Variants in RAD54L observed in about 807,000 individuals in gnomAD.
RAD54L encodes the protein DNA repair and recombination protein RAD54-like.
In RAD54L, 74 loss-of-function variants were observed where a neutral mutation model predicts 91.6. The observed-to-expected ratio is 0.81, with a 90% CI of 0.67 to 0.98. RAD54L has a LOEUF of 0.98. Among genes scored for constraint, RAD54L ranks in the 50% least tolerant of loss-of-function variants. The pLI, the probability that RAD54L is intolerant of heterozygous loss-of-function variation, is 0.00. For missense variants in RAD54L, 887 were observed against 945.7 expected, an observed-to-expected ratio of 0.94 and a Z score of 0.81; for synonymous variants, 304 against 349.7, an observed-to-expected ratio of 0.87 and a Z score of 1.46.
intron 3 of RAD54L, among the ~76,000 whole-genome samples, chr1:46,256,264 TG>T (rs1027090149): frequency 1.3e-5 from 2 of 151,746 alleles, no homozygotes; most frequent in African/African-American, 4.8e-5. Flanking sequence ...ACGGGGTGTG[TG>T]GGGGGGTCTC....
chr1:46,248,631 G>T (rs747336317), intron 2 of RAD54L, 33 bp downstream of exon 2: 3 of 1,599,716 alleles, frequency 1.9e-6, no homozygotes, highest in Non-Finnish European at 2.6e-6. Flanking sequence ...AAGGTGGGTA[G>T]AGCTGTTTGG....
At chr1:46,277,682 T>G in intron 16 of RAD54L, 135 bp from the exon 17 acceptor site, 1 of 1,014,476 alleles carries the variant, frequency 9.9e-7, no homozygotes, top group East Asian at 2.4e-5. Flanking sequence ...AGAGATAATG[T>G]TCTGGGACTC....
chr1:46,268,341 C>T (rs1660324186), intron 9 of RAD54L, among the ~76,000 whole-genome samples: 1 of 152,256 alleles, frequency 6.6e-6, no homozygotes, highest in Middle Eastern at 3.4e-3. Context: ...ATAATCAAAA[C>T]TCCTCATTCC....
In RAD54L at chr1:46,251,519, A is replaced by G. The variant is rs76471445; in HGVS notation, c.210+1400A>G. ...TGCTTTTATGATAGTTTTAGCATAC[A>G]TATAAAAATCACTAATACAGCCTTG... On this transcript the variant is annotated intron_variant, in intron 3 of 17. Coordinates refer to ENST00000371975, the MANE Select transcript of RAD54L (RefSeq NM_003579.4). Among the ~76,000 whole-genome samples, 84 of 152,294 alleles carry G rather than the reference A, an allele frequency of 5.5e-4. 1 individual carries two copies. The East Asian group carries it at 0.014, about 25-fold the overall frequency.
rs1571710816 is a variant in RAD54L, at chr1:46,250,818, T to C, written c.210+699T>C. 3.3e-5 allele frequency among the ~76,000 whole-genome samples: 5 copies of C among 150,140 alleles called. No homozygotes were observed. The Middle Eastern group carries it at 0.014, about 414-fold the overall frequency. ...GGTGAAACCCCGTCTCTACTAAAAA[T>C]ACAAAAATTAACTGGGCATGGTGTC... is the stretch of plus-strand genomic sequence containing the variant. On this transcript the variant is annotated intron_variant, in intron 3 of 17. Coordinates refer to ENST00000371975, the MANE Select transcript of RAD54L (RefSeq NM_003579.4).
At chr1:46,274,277 A>G in intron 15 of RAD54L, 61 bp downstream of exon 15, 2 of 1,526,360 alleles carry the variant, frequency 1.3e-6, no homozygotes, top group Non-Finnish European at 1.8e-6. Context: ...AAGGAATGAT[A>G]GAGAAGCTAT....
At position 46,267,759 on chromosome 1, in the gene RAD54L, G is replaced by C. The variant is rs1403549592; in HGVS notation, c.1042+150G>C. 11 of 1,126,794 alleles carry C rather than the reference G, an allele frequency of 9.8e-6. No homozygotes were observed. The African/African-American group carries it at 1.1e-4, about 11-fold the overall frequency. 69.8% of individuals were successfully genotyped at this position (1,126,794 alleles called of 1,614,324 possible). On this transcript the variant is annotated intron_variant, in intron 9 of 17. Transcript: ENST00000371975. ...GGAAGGCTTCTCTTGTCAGGGAGTA[G>C]CAAAGCCATTGGGAGGCCTTGGATC... is the stretch of plus-strand genomic sequence containing the variant.
Position 46,263,868 on chromosome 1 carries a change from G to T in RAD54L, c.891+2483G>T, listed in dbSNP as rs1444613428. On this transcript the variant is annotated intron_variant, in intron 8 of 17. Coordinates refer to ENST00000371975, the MANE Select transcript of RAD54L (RefSeq NM_003579.4). This position sits in a 1 kb window ranked among gnomAD's most constrained non-coding sequence, Gnocchi z 4.3. Reference sequence around the variant, plus strand: ...GATGGAGTGCAGTGACGTGATCTTGGCTCACCGCAACCTCTGCCTCCCATA... The same window carrying T: ...GATGGAGTGCAGTGACGTGATCTTGTCTCACCGCAACCTCTGCCTCCCATA... Among the ~76,000 whole-genome samples the T allele has an allele frequency of 6.6e-6, 1 of 152,052 alleles. No homozygotes were observed. Among genetic ancestry groups the T allele is most frequent in the Non-Finnish European group, 1.5e-5 (1 of 68,008 alleles).
intron 3 of RAD54L, among the ~76,000 whole-genome samples, chr1:46,251,248 G>A (rs1033989902): frequency 5.9e-5 from 9 of 152,074 alleles, no homozygotes; most frequent in Admixed American, 1.3e-4. Flanking sequence ...GGAGGCAGCG[G>A]TTGCAGTGAG....
chr1:46,269,918 C>T (rs768946794), intron 9 of RAD54L, among the ~76,000 whole-genome samples: 4 of 151,772 alleles, frequency 2.6e-5, no homozygotes, highest in Non-Finnish European at 4.4e-5. Context: ...GCCTGGGCAA[C>T]ATGGCAAAAT....
rs766711957 is a variant in RAD54L at position 46,261,329 on chromosome 1, C to G, written c.835C>G (p.Arg279Gly). 1.9e-6 allele frequency: 3 copies of G among 1,613,872 alleles called. No individual in the cohort carries two copies. Among genetic ancestry groups the G allele is most frequent in the Non-Finnish European group, 1.7e-6 (2 of 1,179,988 alleles). Residue 279 changes from arginine to glycine, a missense_variant, in exon 8 of 18, where the codon CGC becomes GGC. Physicochemically the swap from Arg to Gly is moderately radical, Grantham distance 125. Transcript: ENST00000371975. ...CCTCATCATTTCCTATGAGACCTTC[C>G]GCCTTCATGTTGGAGTCCTCCAGAA... is the stretch of plus-strand genomic sequence containing the variant. ...PILIISYETF[R>G]LHVGVLQKGS...
chr1:46,270,607 GA>G, intron 9 of RAD54L, 51 bp from the exon 10 acceptor site: 1 of 1,610,542 alleles, frequency 6.2e-7, no homozygotes, highest in Non-Finnish European at 8.5e-7. Context: ...CTAGCTGTGG[GA>G]AAATCATTCC....
At chr1:46,266,197 C>T (rs1241991181) in intron 8 of RAD54L, among the ~76,000 whole-genome samples, 1 of 152,166 alleles carries the variant, frequency 6.6e-6, no homozygotes, top group Non-Finnish European at 1.5e-5. Flanking sequence ...GTGACAAGGT[C>T]AGGATTCCTG....
chr1:46,258,141 G>A (rs887524614), intron 3 of RAD54L, among the ~76,000 whole-genome samples: 2 of 152,106 alleles, frequency 1.3e-5, no homozygotes, highest in Non-Finnish European at 2.9e-5. Context: ...GCCTCCCAAA[G>A]TGTTAGGATT....
At chr1:46,259,071 T>A (rs1169195583) in intron 4 of RAD54L, among the ~76,000 whole-genome samples, 1 of 152,188 alleles carries the variant, frequency 6.6e-6, no homozygotes, top group East Asian at 1.9e-4. Flanking sequence ...GCTGACTGTG[T>A]GGGAGGCCTG....
intron 2 of RAD54L, among the ~76,000 whole-genome samples, chr1:46,248,910 T>A (rs1226792836): frequency 6.6e-6 from 1 of 152,166 alleles, no homozygotes; most frequent in Non-Finnish European, 1.5e-5. Context: ...CAGCTGGCTC[T>A]TTTGCTCTTT....
At chr1:46,249,089 G>A (rs1169366804) in intron 2 of RAD54L, among the ~76,000 whole-genome samples, 1 of 152,182 alleles carries the variant, frequency 6.6e-6, no homozygotes, top group Non-Finnish European at 1.5e-5. Flanking sequence ...CTGTTTTGGA[G>A]GCTTGTTGGG....
chr1:46,269,940 A>G (rs1390312551), intron 9 of RAD54L, among the ~76,000 whole-genome samples: 3 of 151,504 alleles, frequency 2.0e-5, no homozygotes, highest in African/African-American at 7.3e-5. Flanking sequence ...CCATCTCTAC[A>G]AAAAAAATAC....
chr1:46,262,678 T>C (rs1049097761), intron 8 of RAD54L, among the ~76,000 whole-genome samples: 1 of 152,050 alleles, frequency 6.6e-6, no homozygotes, highest in Admixed American at 6.6e-5. Context: ...GCTGTTTTTT[T>C]ACATTGTCAG....
Sources: gnomAD v4.1 joint callset for allele counts (sites outside exome capture counted in the v4.1 genomes callset) on GRCh38, gnomAD v4.1.1 for gene constraint, Gnocchi (gnomAD v3.1) non-coding constraint, MANE v1.5 for transcripts, NCBI Gene and HGNC (gene_info 2026-07-23, HGNC 2026-07-21) for gene names.